Variants in KLRG1 observed in about 807,000 individuals in gnomAD.
KLRG1 encodes the protein killer cell lectin like receptor G1.
KLRG1 carries 16 observed loss-of-function variants against 21.8 expected under a neutral mutation model. The ratio of observed to expected loss-of-function variants is 0.73; its 90% CI spans 0.50 to 1.11. The LOEUF (loss-of-function observed/expected upper bound fraction) is 1.11. Among genes scored for constraint, KLRG1 ranks in the 50% most tolerant of loss-of-function variants. The pLI, the probability that KLRG1 is intolerant of heterozygous loss-of-function variation, is 0.00. For missense variants in KLRG1, 173 were observed against 218.3 expected (o/e 0.79, Z 1.31); for synonymous variants, 69 against 75.9 (o/e 0.91, Z 0.47).
the KLRG1 span, chr12:9,101,293 C>G: frequency 7.0e-7 from 1 of 1,433,030 alleles, no homozygotes; most frequent in Non-Finnish European, 9.6e-7. Flanking sequence ...TTATTGAGTC[C>G]CTGCCGGCAA....
rs753331336 is a variant in KLRG1, at chr12:8,997,145, T to C, written c.357+1857T>C. ...GACATGCCCCCATTCCTTAGACTAT[T>C]GTTGAGTAAAACCAGCAGAGTTACA... On this transcript the variant is annotated intron_variant, in intron 3 of 4. Transcript: ENST00000356986. 2.6e-5 allele frequency among the ~76,000 whole-genome samples: 4 copies of C among 152,324 alleles called. No homozygotes were observed. In the South Asian group the frequency reaches 6.2e-4, roughly 24 times the overall value.
the KLRG1 span, among the ~76,000 whole-genome samples, chr12:9,137,374 T>G: frequency 6.6e-6 from 1 of 152,110 alleles, no homozygotes; most frequent in Admixed American, 6.5e-5. Context: ...CTCTATTCTG[T>G]CATTGATGTT....
chr12:9,197,243 C>T, the KLRG1 span: 2 of 651,834 alleles, frequency 3.1e-6, no homozygotes, highest in African/African-American at 1.9e-5. Flanking sequence ...TGGGTGCCCA[C>T]CAAGTAGAAA....
the KLRG1 span, chr12:9,148,761 C>A: frequency 2.0e-6 from 1 of 500,372 alleles, no homozygotes; most frequent in Non-Finnish European, 3.5e-6. Context: ...AACCTTTGCA[C>A]CAAAATTAAA....
the KLRG1 span, chr12:9,192,424 C>T: frequency 1.5e-6 from 2 of 1,347,848 alleles, no homozygotes; most frequent in African/African-American, 2.9e-5. Context: ...TGGCTGTGTG[C>T]AAGTAGTTTA....
At chr12:9,107,611 C>A in the KLRG1 span, 1 of 1,614,002 alleles carries the variant, frequency 6.2e-7, no homozygotes, top group South Asian at 1.1e-5. Flanking sequence ...TGCTCACAGT[C>A]ACATGTCCAG....
chr12:8,989,847 C>A (rs1294755446), intron 1 of KLRG1, 130 bp downstream of exon 1: 3 of 614,516 alleles, frequency 4.9e-6, no homozygotes, highest in Non-Finnish European at 8.6e-6. Flanking sequence ...ACTTTTGGTT[C>A]AGTTTAAAGT....
chr12:9,083,189 A>T, the KLRG1 span, among the ~76,000 whole-genome samples: 1 of 152,136 alleles, frequency 6.6e-6, no homozygotes, highest in Non-Finnish European at 1.5e-5. Context: ...GAATTGAACA[A>T]TGAGAACACT....
the KLRG1 span, among the ~76,000 whole-genome samples, chr12:9,167,808 T>TC: frequency 6.6e-6 from 1 of 152,202 alleles, no homozygotes; most frequent in Admixed American, 6.5e-5. Flanking sequence ...AACATTTCCT[T>TC]CCCCCCAAAC....
chr12:9,165,677 G>A, the KLRG1 span, among the ~76,000 whole-genome samples: 1 of 152,078 alleles, frequency 6.6e-6, no homozygotes, highest in Non-Finnish European at 1.5e-5. Context: ...CCATAAATAA[G>A]CATTTTTAAG....
chr12:8,970,305 C>T (rs1261759507), intron 1 of KLRG1: 9 of 152,174 alleles, frequency 5.9e-5, no homozygotes, highest in African/African-American at 1.7e-4. Context: ...TGTGGGAGAC[C>T]ACATTGCCAG....
At chr12:9,050,069 T>G in the KLRG1 span, among the ~76,000 whole-genome samples, 1 of 152,276 alleles carries the variant, frequency 6.6e-6, no homozygotes, top group African/African-American at 2.4e-5. Flanking sequence ...AAAAAAAATC[T>G]TCGTAGGAAG....
intron 1 of KLRG1, among the ~76,000 whole-genome samples, chr12:8,975,165 G>T (rs1193235553): frequency 6.6e-6 from 1 of 152,068 alleles, no homozygotes; most frequent in East Asian, 1.9e-4. Flanking sequence ...CTCCCAAAGT[G>T]CTGGGATTAC....
At chr12:9,059,996 C>CTTTTTT in the KLRG1 span, among the ~76,000 whole-genome samples, 3 of 75,566 alleles carry the variant, frequency 4.0e-5, no homozygotes, top group African/African-American at 5.4e-5. Flanking sequence ...GCCCTGGCAT[C>CTTTTTT]TTTTTTTTTT....
At chr12:9,135,508 G>T in the KLRG1 span, 1 of 360,220 alleles carries the variant, frequency 2.8e-6, no homozygotes, top group Non-Finnish European at 5.3e-6. Flanking sequence ...CATACAAATG[G>T]TAGACAGCTG....
At chr12:9,201,105 T>C in the KLRG1 span, 1 of 1,604,728 alleles carries the variant, frequency 6.2e-7, no homozygotes, top group South Asian at 1.1e-5. Flanking sequence ...TTAGTCACAA[T>C]AGTCCTTGAG....
chr12:9,132,267 G>A, the KLRG1 span, among the ~76,000 whole-genome samples: 2 of 152,194 alleles, frequency 1.3e-5, no homozygotes, highest in African/African-American at 2.4e-5. Flanking sequence ...TTAAGCAGCT[G>A]CTAGTTGCTT....
chr12:9,113,276 C>T, the KLRG1 span: 1 of 1,472,836 alleles, frequency 6.8e-7, no homozygotes, highest in Non-Finnish European at 9.2e-7. Context: ...TACCAACCTC[C>T]CAAAGCCTCA....
the KLRG1 span, among the ~76,000 whole-genome samples, chr12:9,096,259 C>T: frequency 6.6e-6 from 1 of 152,194 alleles, no homozygotes; most frequent in Non-Finnish European, 1.5e-5. Flanking sequence ...CTAAGTACTA[C>T]TTCGTTACAC....
Sources: allele counts gnomAD v4.1 joint callset (sites outside exome capture counted in the v4.1 genomes callset), GRCh38; gene constraint gnomAD v4.1.1; transcripts MANE v1.5; gene names NCBI Gene and HGNC (gene_info 2026-07-23, HGNC 2026-07-21).